Variants in VTCN1 observed in about 807,000 individuals in gnomAD.
VTCN1 encodes the protein V-set domain-containing T-cell activation inhibitor 1.
In VTCN1, 26 loss-of-function variants were observed where a neutral mutation model predicts 26.5. The observed-to-expected ratio is 0.98, with a 90% confidence interval of 0.72 to 1.36. The LOEUF (loss-of-function observed/expected upper bound fraction) is 1.36, where lower values mean the gene tolerates loss of function less well. Among genes scored for constraint, VTCN1 ranks in the 40% most tolerant of loss-of-function variants. VTCN1 has a pLI of 0.00. For synonymous variants in VTCN1, 116 were observed against 130.7 expected (o/e 0.89, Z 0.77); for missense variants, 298 against 337.7 (o/e 0.88, Z 0.92).
chr1:117,192,373 T>G (rs1035821343), intron 1 of VTCN1, among the ~76,000 whole-genome samples: 2 of 152,148 alleles, frequency 1.3e-5, no homozygotes, highest in Admixed American at 1.3e-4. Flanking sequence ...CTACTAGACC[T>G]GCCTTATGAG....
chr1:117,153,519 T>C, intron 3 of VTCN1, 150 bp from the exon 4 acceptor site: 1 of 825,032 alleles, frequency 1.2e-6, no homozygotes, highest in Non-Finnish European at 1.8e-6. Context: ...GAGGTCCACC[T>C]GTGTATAGCC....
Position 117,147,669 on chromosome 1 carries a change from T to C in VTCN1, c.838A>G (p.Met280Val). 1 of 1,613,020 alleles carries C rather than the reference T, an allele frequency of 6.2e-7. No homozygotes were observed. Among genetic ancestry groups the C allele is most frequent in the Middle Eastern group, 1.7e-4 (1 of 6,042 alleles). The part of the protein sequence containing the change: ...WALLPLSPYL[M>V]LK Reference sequence around the variant, plus strand: ...GTGGCCGAGGCACATTATTTTAGCATCAGGTAAGGGCTGAGAGGCAGAAGT... The same window carrying C: ...GTGGCCGAGGCACATTATTTTAGCACCAGGTAAGGGCTGAGAGGCAGAAGT... The change falls in exon 5 of 6, where the codon ATG becomes GTG. Residue 280 changes from methionine to valine, a missense_variant. Met to Val is a conservative substitution (Grantham distance 21). Coordinates refer to ENST00000369458, the MANE Select transcript of VTCN1 (RefSeq NM_024626.4). This position sits in a 1 kb window ranked among gnomAD's most constrained non-coding sequence, Gnocchi z 4.6.
At chr1:117,195,993 T>C (rs75552065) in intron 1 of VTCN1, among the ~76,000 whole-genome samples, 6 of 152,000 alleles carry the variant, frequency 3.9e-5, no homozygotes, top group Non-Finnish European at 7.4e-5. Flanking sequence ...TCTACAAACA[T>C]TTAAAAAATT....
chr1:117,152,063 TTTG>T (rs1651829712), intron 4 of VTCN1, among the ~76,000 whole-genome samples: 1 of 152,200 alleles, frequency 6.6e-6, no homozygotes, highest in South Asian at 2.1e-4. Flanking sequence ...TTATTTGATT[TTTG>T]TTGTTGTTGA....
At chr1:117,177,953 G>A (rs1054370165) in intron 1 of VTCN1, among the ~76,000 whole-genome samples, 3 of 149,544 alleles carry the variant, frequency 2.0e-5, no homozygotes, top group Non-Finnish European at 4.4e-5. Context: ...GGGTAGGTTG[G>A]GGGTGGCGAC....
At chr1:117,148,125 T>A (rs1233254082) in intron 4 of VTCN1, among the ~76,000 whole-genome samples, 1 of 152,212 alleles carries the variant, frequency 6.6e-6, no homozygotes, top group African/African-American at 2.4e-5. Flanking sequence ...CAGTGATCTT[T>A]ACAGGATCCA....
intron 1 of VTCN1, among the ~76,000 whole-genome samples, chr1:117,204,661 T>C (rs971566807): frequency 3.3e-5 from 5 of 152,014 alleles, no homozygotes; most frequent in Admixed American, 6.6e-5. Flanking sequence ...GGTCAGGAGA[T>C]GGAGACCATC....
chr1:117,193,085 A>C (rs1648326463), intron 1 of VTCN1, among the ~76,000 whole-genome samples: 1 of 152,220 alleles, frequency 6.6e-6, no homozygotes, highest in African/African-American at 2.4e-5. Flanking sequence ...TAAGTAATCT[A>C]GAGATGATTC....
At chr1:117,180,161 A>G (rs1237134613) in intron 1 of VTCN1, among the ~76,000 whole-genome samples, 2 of 152,136 alleles carry the variant, frequency 1.3e-5, no homozygotes, top group African/African-American at 4.8e-5. Flanking sequence ...TGGAAGGAAA[A>G]CTGGAGGGGG....
intron 1 of VTCN1, among the ~76,000 whole-genome samples, chr1:117,206,359 T>C (rs1014375272): frequency 6.6e-6 from 1 of 152,170 alleles, no homozygotes; most frequent in African/African-American, 2.4e-5. Context: ...AACCATGGAT[T>C]GTAGAGGGAG....
chr1:117,180,775 C>G (rs941206122), intron 1 of VTCN1, among the ~76,000 whole-genome samples: 2 of 152,208 alleles, frequency 1.3e-5, no homozygotes, highest in African/African-American at 4.8e-5. Context: ...ATCTTGGCAT[C>G]CCCTTGCTCT....
intron 1 of VTCN1, among the ~76,000 whole-genome samples, chr1:117,194,422 G>T (rs538834879): frequency 6.6e-6 from 1 of 152,166 alleles, no homozygotes. Flanking sequence ...CTATTGGTGG[G>T]AATGTAAATT....
intron 1 of VTCN1, among the ~76,000 whole-genome samples, chr1:117,190,826 C>A (rs1208714136): frequency 6.6e-6 from 1 of 152,208 alleles, no homozygotes; most frequent in Non-Finnish European, 1.5e-5. Flanking sequence ...TTGGTCCTTA[C>A]AATATATAAA....
chr1:117,172,376 A>G (rs1207022206), intron 1 of VTCN1: 2 of 518,708 alleles, frequency 3.9e-6, no homozygotes, highest in Non-Finnish European at 7.7e-6. Context: ...TCCAAGGGAG[A>G]CCATATTTGG....
At chr1:117,209,868 T>G (rs1252745289) in intron 1 of VTCN1, among the ~76,000 whole-genome samples, 1 of 152,192 alleles carries the variant, frequency 6.6e-6, no homozygotes, top group Non-Finnish European at 1.5e-5. Context: ...GGAAGTAACA[T>G]TACTCTCGTA....
chr1:117,181,425 A>G lies in VTCN1; in HGVS notation c.33-11254T>C, dbSNP rs184420067. The stretch of plus-strand genomic sequence containing the variant: ...AGACCACCTTTAAATGCACCGAGCT[A>G]TTTTTCTAACCCTTCTCCCTTTAGG... On this transcript the variant is annotated intron_variant, in intron 1 of 5. Transcript: ENST00000369458. Among the ~76,000 whole-genome samples, 3 of 152,314 alleles carry G rather than the reference A, an allele frequency of 2.0e-5. No homozygotes were observed. The East Asian group carries it at 5.8e-4, about 29-fold the overall frequency.
chr1:117,205,949 C>T (rs1877464), intron 1 of VTCN1, among the ~76,000 whole-genome samples: 131,790 of 152,022 alleles, frequency 0.87, 58,866 homozygotes, highest in Non-Finnish European at 0.97. Context: ...GAGATCTAGA[C>T]GCTGAGCTTG....
At chr1:117,188,415 A>G (rs1256374037) in intron 1 of VTCN1, among the ~76,000 whole-genome samples, 8 of 152,248 alleles carry the variant, frequency 5.3e-5, no homozygotes, top group African/African-American at 1.9e-4. Context: ...TGTGTGAAGT[A>G]GACTTTTGGG....
Position 117,210,211 on chromosome 1 carries a change from T to TGCAGCAGCA in VTCN1, c.32+612_32+613insTGCTGCTGC, listed in dbSNP as rs1571002721. ...TGCTTCCTTCTTCCTCTCTGGGGAG[T>TGCAGCAGCA]TCAGCAGCAGCAGCAGCAGCAGCAG... is the stretch of plus-strand genomic sequence containing the variant. On this transcript the variant is annotated intron_variant, in intron 1 of 5. Coordinates refer to ENST00000369458, the MANE Select transcript of VTCN1 (RefSeq NM_024626.4). Among the ~76,000 whole-genome samples the TGCAGCAGCA allele has an allele frequency of 3.7e-5, 5 of 134,270 alleles. No individual in the cohort carries two copies. In the East Asian group the frequency reaches 1.1e-3, roughly 31 times the overall value. The allele number at this position is 134,270 out of a possible 152,430, so 88.1% of individuals were successfully genotyped here. A position where few individuals can be genotyped will look rare whatever the true frequency, so the allele number is the denominator to read the frequency against.
Sources: allele counts gnomAD v4.1 joint callset (sites outside exome capture counted in the v4.1 genomes callset), GRCh38; gene constraint gnomAD v4.1.1; non-coding constraint Gnocchi (gnomAD v3.1); transcripts MANE v1.5; gene names NCBI Gene and HGNC (gene_info 2026-07-23, HGNC 2026-07-21).